HDAC9: variants seen among roughly 807,000 people sequenced by gnomAD.
HDAC9 encodes the protein histone deacetylase 9.
Under a neutral mutation model 139.4 loss-of-function variants are expected in HDAC9, and 41 were observed. That is an observed-to-expected ratio of 0.29 (90% CI 0.23 to 0.38). The LOEUF (loss-of-function observed/expected upper bound fraction) is 0.38. Ranked by LOEUF, HDAC9 falls within the 10% of genes least tolerant of loss-of-function variation. HDAC9 has a pLI of 1.00. For missense variants in HDAC9, 1,147 were observed against 1,297.0 expected (o/e 0.88, Z 1.78); for synonymous variants, 517 against 476.2 (o/e 1.09, Z -1.12).
chr7:18,532,766 A>G lies in HDAC9; in HGVS notation c.22+36442A>G, dbSNP rs148624940. 2.8e-4 allele frequency among the ~76,000 whole-genome samples: 43 copies of G among 151,614 alleles called. 1 individual carries two copies. Among genetic ancestry groups the G allele is most frequent in the Middle Eastern group, 3.4e-3 (1 of 292 alleles). ...CAGTTCTCTACTCTGCCTCTCCCCA[A>G]TCCTCCTTTTCACTCCACAGCAGCA... On this transcript the variant is annotated intron_variant, in intron 2 of 25. Transcript: ENST00000686413.
chr7:18,406,633 C>T (rs1373186963), intron 1 of HDAC9, among the ~76,000 whole-genome samples: 4 of 152,184 alleles, frequency 2.6e-5, no homozygotes, highest in African/African-American at 9.7e-5. Flanking sequence ...TCGTGATCCA[C>T]CCGCCTTGGC....
chr7:18,717,816 A>G (rs1784820852), intron 12 of HDAC9, among the ~76,000 whole-genome samples: 1 of 152,212 alleles, frequency 6.6e-6, no homozygotes, highest in African/African-American at 2.4e-5. Context: ...ATGTATCACT[A>G]CATAAATATG....
At chr7:18,486,298 G>C (rs994019224) in intron 1 of HDAC9, among the ~76,000 whole-genome samples, 1 of 152,080 alleles carries the variant, frequency 6.6e-6, no homozygotes, top group Non-Finnish European at 1.5e-5. Context: ...TTATTCTCAT[G>C]AATCAAATTT....
intron 2 of HDAC9, among the ~76,000 whole-genome samples, chr7:18,564,224 T>G (rs1350999553): frequency 1.3e-5 from 2 of 152,004 alleles, no homozygotes; most frequent in Admixed American, 1.3e-4. Context: ...AACAGTACAG[T>G]TGCAACCATA....
At chr7:18,493,368 G>A (rs1173598772), upstream of HDAC9, among the ~76,000 whole-genome samples, 1 of 151,746 alleles carries the variant, frequency 6.6e-6, no homozygotes, top group African/African-American at 2.4e-5. Flanking sequence ...ATTTTATTTG[G>A]AATATCTCAG....
chr7:18,715,540 G>C (rs571461586), intron 12 of HDAC9, among the ~76,000 whole-genome samples: 2 of 152,208 alleles, frequency 1.3e-5, no homozygotes, highest in South Asian at 4.2e-4. Context: ...GATGAAAAAT[G>C]TGATTCTCCT....
intron 1 of HDAC9, among the ~76,000 whole-genome samples, chr7:18,390,283 C>G (rs759658213): frequency 1.3e-5 from 2 of 152,100 alleles, no homozygotes; most frequent in Non-Finnish European, 2.9e-5. Flanking sequence ...ACTGATCACT[C>G]CCTGGAATAC....
At chr7:18,859,667 G>T (rs1477802569) in intron 21 of HDAC9, among the ~76,000 whole-genome samples, 2 of 151,420 alleles carry the variant, frequency 1.3e-5, no homozygotes, top group Admixed American at 6.6e-5. Flanking sequence ...TGAAAAGGAT[G>T]TCATGCTGTA....
At chr7:18,164,314 T>G (rs980296579) in intron 2 of HDAC9, among the ~76,000 whole-genome samples, 1 of 152,208 alleles carries the variant, frequency 6.6e-6, no homozygotes, top group Admixed American at 6.5e-5. Context: ...AAAAAAAAAT[T>G]TTCTCCTGTT....
At chr7:18,565,959 T>G (rs1822205012) in intron 2 of HDAC9, among the ~76,000 whole-genome samples, 1 of 152,136 alleles carries the variant, frequency 6.6e-6, no homozygotes, top group Non-Finnish European at 1.5e-5. Flanking sequence ...TGAATAACCA[T>G]CACATTTCAT....
intron 16 of HDAC9, among the ~76,000 whole-genome samples, chr7:18,778,619 G>A (rs1243871156): frequency 1.3e-5 from 2 of 152,028 alleles, no homozygotes; most frequent in Admixed American, 1.3e-4. Flanking sequence ...CTGACCAGCA[G>A]TTCACTGAAA....
intron 1 of HDAC9, among the ~76,000 whole-genome samples, chr7:18,386,843 G>A (rs924720683): frequency 6.6e-6 from 1 of 152,160 alleles, no homozygotes; most frequent in Admixed American, 6.5e-5. Flanking sequence ...ATGGAATTTA[G>A]TCTGGTCTCT....
intron 22 of HDAC9, among the ~76,000 whole-genome samples, chr7:18,884,452 C>T (rs967287402): frequency 6.6e-6 from 1 of 152,076 alleles, no homozygotes; most frequent in Admixed American, 6.6e-5. Context: ...GAGGAAAAGA[C>T]AGTCTTTGAT....
chr7:18,273,096 A>G (rs1293524001), intron 2 of HDAC9, among the ~76,000 whole-genome samples: 1 of 96,994 alleles, frequency 1.0e-5, no homozygotes, highest in Non-Finnish European at 2.0e-5. Flanking sequence ...ACAAGACAGG[A>G]TGTCTGTTGC....
At chr7:18,674,531 C>A (rs1781378908) in intron 12 of HDAC9, among the ~76,000 whole-genome samples, 1 of 151,876 alleles carries the variant, frequency 6.6e-6, no homozygotes, top group African/African-American at 2.4e-5. Context: ...GGCATTATGT[C>A]TTTTTGGTTT....
At chr7:18,527,143 G>A (rs747465246) in intron 2 of HDAC9, among the ~76,000 whole-genome samples, 1 of 152,070 alleles carries the variant, frequency 6.6e-6, no homozygotes. Flanking sequence ...TTCTTGGACT[G>A]TAATTAAGAA....
At chr7:18,884,423 G>A (rs189903051) in intron 22 of HDAC9, among the ~76,000 whole-genome samples, 12 of 152,178 alleles carry the variant, frequency 7.9e-5, no homozygotes, top group Admixed American at 7.9e-4. Flanking sequence ...CTTTGACAAC[G>A]ATGGCGAGAA....
chr7:18,748,972 T>C, intron 13 of HDAC9, 33 bp from the exon 14 acceptor site: 1 of 1,603,408 alleles, frequency 6.2e-7, no homozygotes, highest in Non-Finnish European at 8.5e-7. Context: ...GTACTGTTAC[T>C]CAATCTTGTC....
At chr7:18,279,109 A>T (rs893768915) in intron 2 of HDAC9, among the ~76,000 whole-genome samples, 3 of 152,246 alleles carry the variant, frequency 2.0e-5, no homozygotes, top group Non-Finnish European at 4.4e-5. Flanking sequence ...TCTACCAAAT[A>T]ACAAAATCCA....
Sources: gnomAD v4.1 joint callset for allele counts (sites outside exome capture counted in the v4.1 genomes callset) on GRCh38, gnomAD v4.1.1 for gene constraint, MANE v1.5 for transcripts, NCBI Gene and HGNC (gene_info 2026-07-23, HGNC 2026-07-21) for gene names.